Variants in VSTM5 observed in about 807,000 individuals in gnomAD.
The protein encoded by VSTM5 is V-set and transmembrane domain containing 5, also known as V-set and transmembrane domain-containing protein 5.
VSTM5 carries 21 observed loss-of-function variants against 20.3 expected under a neutral mutation model. The ratio of observed to expected loss-of-function variants is 1.03; its 90% CI spans 0.73 to 1.49. The LOEUF (loss-of-function observed/expected upper bound fraction) is 1.49. Among genes scored for constraint, VSTM5 ranks in the 40% most tolerant of loss-of-function variants. The probability of loss-of-function intolerance (pLI) is 0.00; values close to 1 mark genes in which losing one functional copy is unlikely to be tolerated. For missense variants in VSTM5, 219 were observed against 250.0 expected (o/e 0.88, Z 0.84); for synonymous variants, 100 against 102.5 (o/e 0.98, Z 0.14).
At position 93,847,193 on chromosome 11, in the gene VSTM5, C is replaced by A. The variant is rs142651324; in HGVS notation, c.91+3219G>T. Among the ~76,000 whole-genome samples, 1,170 of 152,232 alleles carry A rather than the reference C, an allele frequency of 7.7e-3. 16 individuals carry two copies. Among genetic ancestry groups the A allele is most frequent in the African/African-American group, 0.026 (1,096 of 41,522 alleles). ...CAGAGTGAGACCACACCTCATGTGTCTCTGTTTGATCAGGGATCAGTGCAC... is the reference window on the plus strand; with the variant it reads ...CAGAGTGAGACCACACCTCATGTGTATCTGTTTGATCAGGGATCAGTGCAC... On this transcript the variant is annotated intron_variant, in intron 1 of 3. Coordinates refer to ENST00000409977, the MANE Select transcript of VSTM5 (RefSeq NM_001144871.2).
At chr11:93,834,448 G>A (rs74751395) in intron 1 of VSTM5, among the ~76,000 whole-genome samples, 1,684 of 152,108 alleles carry the variant, frequency 0.011, 35 homozygotes, top group African/African-American at 0.038. Flanking sequence ...CTTTGCTGTG[G>A]TTTAAATGTC....
chr11:93,848,540 C>T (rs941319372), intron 1 of VSTM5, among the ~76,000 whole-genome samples: 4 of 152,196 alleles, frequency 2.6e-5, no homozygotes, highest in African/African-American at 9.7e-5. Flanking sequence ...CCGAGCTGCT[C>T]CTACCCATCT....
intron 1 of VSTM5, among the ~76,000 whole-genome samples, chr11:93,832,787 T>C (rs148827793): frequency 3.4e-4 from 52 of 152,304 alleles, no homozygotes; most frequent in African/African-American, 1.2e-3. Flanking sequence ...CTCAGAGACG[T>C]AAGTGTCCAA....
chr11:93,833,624 T>C (rs771289161), intron 1 of VSTM5, among the ~76,000 whole-genome samples: 1 of 152,206 alleles, frequency 6.6e-6, no homozygotes, highest in African/African-American at 2.4e-5. Flanking sequence ...ATATTTCTAC[T>C]GGAAAATGTT....
chr11:93,822,828 A>T (rs1944200785), intron 1 of VSTM5, among the ~76,000 whole-genome samples: 1 of 152,166 alleles, frequency 6.6e-6, no homozygotes, highest in Admixed American at 6.5e-5. Flanking sequence ...TCACGTATCT[A>T]TGTTTCCTGA....
chr11:93,829,712 G>C (rs990562215), intron 1 of VSTM5, among the ~76,000 whole-genome samples: 1 of 152,068 alleles, frequency 6.6e-6, no homozygotes, highest in Admixed American at 6.6e-5. Context: ...CATCTCCAGG[G>C]GTCAGCATCC....
rs1400962995 is a variant in VSTM5 at position 93,820,111 on chromosome 11, TG to T, written c.*457del. On this transcript the variant is annotated 3_prime_UTR_variant, in exon 4 of 4. Transcript: ENST00000409977. ...CAGTGCTTGCTTGTGGGATACCAGA[TG>T]GGGGGCTGGTTGGCACAGCAGTTGC... 3 of 182,110 alleles carry T rather than the reference TG, an allele frequency of 1.6e-5. No individual in the cohort carries two copies. The highest frequency in any genetic ancestry group is 3.4e-5 in the Non-Finnish European group (3 of 87,280). The allele number at this position is 182,110 out of a possible 1,614,324, so 11.3% of individuals were successfully genotyped here.
intron 1 of VSTM5, among the ~76,000 whole-genome samples, chr11:93,822,542 G>A (rs1199492112): frequency 6.6e-6 from 1 of 152,168 alleles, no homozygotes; most frequent in Non-Finnish European, 1.5e-5. Flanking sequence ...GGAGTGCTGA[G>A]TCACAATCTC....
At chr11:93,846,480 G>A (rs1944411346) in intron 1 of VSTM5, among the ~76,000 whole-genome samples, 1 of 152,198 alleles carries the variant, frequency 6.6e-6, no homozygotes, top group African/African-American at 2.4e-5. Flanking sequence ...ATCAGCCAGG[G>A]AGCTGGCACC....
At chr11:93,842,757 G>A (rs541950937) in intron 1 of VSTM5, among the ~76,000 whole-genome samples, 3 of 152,334 alleles carry the variant, frequency 2.0e-5, no homozygotes, top group East Asian at 3.9e-4. Flanking sequence ...CTTTTGAGGG[G>A]ATGTTATAGG....
intron 1 of VSTM5, among the ~76,000 whole-genome samples, chr11:93,835,128 G>T (rs1944313446): frequency 6.6e-6 from 1 of 152,116 alleles, no homozygotes; most frequent in Non-Finnish European, 1.5e-5. Context: ...AGAACTGTAA[G>T]AAGTAAATTC....
chr11:93,840,674 C>G (rs1190490180), intron 1 of VSTM5, among the ~76,000 whole-genome samples: 1 of 152,254 alleles, frequency 6.6e-6, no homozygotes, highest in South Asian at 2.1e-4. Flanking sequence ...CCCTCCACCC[C>G]CTTCAAAACT....
intron 1 of VSTM5, among the ~76,000 whole-genome samples, chr11:93,839,554 G>A (rs974564645): frequency 1.3e-5 from 2 of 152,176 alleles, no homozygotes; most frequent in Non-Finnish European, 2.9e-5. Context: ...AGTATGACAC[G>A]CAGTAAGCAC....
chr11:93,833,786 G>A (rs760006774), intron 1 of VSTM5, among the ~76,000 whole-genome samples: 23 of 152,072 alleles, frequency 1.5e-4, no homozygotes, highest in Non-Finnish European at 2.4e-4. Flanking sequence ...TTTACTGCAA[G>A]TTACAGCATC....
chr11:93,850,522 C>A lies in VSTM5; in HGVS notation c.-20G>T, dbSNP rs983025205. 11 of 1,541,584 alleles carry A rather than the reference C, an allele frequency of 7.1e-6. No homozygotes were observed. The highest frequency in any genetic ancestry group is 2.0e-5 in the Admixed American group (1 of 50,560). ...CCTCATGGGCGAGCCCGGGGCCTCG[C>A]GGGCCGGGGTGTGTGCTGGCCGCAC... On this transcript the variant is annotated 5_prime_UTR_variant, in exon 1 of 4. Transcript: ENST00000409977.
At position 93,820,356 on chromosome 11, in the gene VSTM5, A is replaced by T; in HGVS notation, c.*213T>A. 1.7e-6 allele frequency: 1 copy of T among 572,614 alleles called. No homozygotes were observed. Among genetic ancestry groups the T allele is most frequent in the African/African-American group, 1.9e-5 (1 of 53,076 alleles). The allele number at this position is 572,614 out of a possible 1,614,324, so 35.5% of individuals were successfully genotyped here. A position where few individuals can be genotyped will look rare whatever the true frequency, so the allele number is the denominator to read the frequency against. ...AAGCTCCTGGTTCAAAGCCTCAATC[A>T]CTCTTCTCCTTGAACTTAGCGCGAG... On this transcript the variant is annotated 3_prime_UTR_variant, in exon 4 of 4. Transcript: ENST00000409977.
At chr11:93,837,936 C>T (rs559471790) in intron 1 of VSTM5, among the ~76,000 whole-genome samples, 37 of 138,252 alleles carry the variant, frequency 2.7e-4, no homozygotes, top group Non-Finnish European at 4.7e-4. Flanking sequence ...TTCAGAGCAA[C>T]GGGGGCCAAG....
chr11:93,840,497 AAG>A (rs1944362123), intron 1 of VSTM5, among the ~76,000 whole-genome samples: 1 of 152,234 alleles, frequency 6.6e-6, no homozygotes, highest in Non-Finnish European at 1.5e-5. Flanking sequence ...AACTATGTGA[AAG>A]AGCAGTGTTG....
At chr11:93,846,911 C>T (rs1204042860) in intron 1 of VSTM5, among the ~76,000 whole-genome samples, 1 of 151,768 alleles carries the variant, frequency 6.6e-6, no homozygotes, top group Non-Finnish European at 1.5e-5. Flanking sequence ...AGACTACAGG[C>T]GCCTGCCACC....
Sources: allele counts gnomAD v4.1 joint callset (sites outside exome capture counted in the v4.1 genomes callset), GRCh38; gene constraint gnomAD v4.1.1; transcripts MANE v1.5; gene names NCBI Gene and HGNC (gene_info 2026-07-23, HGNC 2026-07-21).